The following SORCS1 variants were observed in gnomAD, a reference collection of about 807,000 sequenced individuals.
SORCS1 encodes VPS10 domain-containing receptor SorCS1.
Under a neutral mutation model 146.1 loss-of-function variants are expected in SORCS1, and 60 were observed. The observed-to-expected ratio is 0.41, with a 90% CI of 0.33 to 0.51. The LOEUF is 0.51. SORCS1 is among the 20% of genes least tolerant of loss of function. The pLI, the probability that SORCS1 is intolerant of heterozygous loss-of-function variation, is 0.21. For synonymous variants in SORCS1, 637 were observed against 584.0 expected, an observed-to-expected ratio of 1.09 and a Z score of -1.31; for missense variants, 1,352 against 1,487.6, an observed-to-expected ratio of 0.91 and a Z score of 1.50.
intron 1 of SORCS1, among the ~76,000 whole-genome samples, chr10:106,958,608 A>G (rs1232720440): frequency 6.6e-6 from 1 of 152,146 alleles, no homozygotes; most frequent in Non-Finnish European, 1.5e-5. Flanking sequence ...ATCCCTGAGT[A>G]CCTGTCATCT....
At chr10:106,993,122 G>A (rs940582854) in intron 1 of SORCS1, among the ~76,000 whole-genome samples, 4 of 151,090 alleles carry the variant, frequency 2.6e-5, no homozygotes, top group East Asian at 3.9e-4. Context: ...GAGCCACCAC[G>A]CCCAGCCGGG....
At chr10:107,058,683 T>C (rs759675327) in intron 1 of SORCS1, among the ~76,000 whole-genome samples, 5 of 152,144 alleles carry the variant, frequency 3.3e-5, no homozygotes, top group Non-Finnish European at 7.4e-5. Context: ...CAATAATACT[T>C]ATCTCATAGG....
At chr10:107,143,563 G>A (rs1275313661) in intron 1 of SORCS1, among the ~76,000 whole-genome samples, 1 of 152,058 alleles carries the variant, frequency 6.6e-6, no homozygotes, top group South Asian at 2.1e-4. Flanking sequence ...GAGTGTAGTG[G>A]CTAGATCTCT....
At chr10:106,809,172 G>A (rs368984067) in intron 3 of SORCS1, among the ~76,000 whole-genome samples, 201 of 151,502 alleles carry the variant, frequency 1.3e-3, no homozygotes, top group African/African-American at 4.6e-3. Flanking sequence ...TTGTGGTTGT[G>A]GGGGGAGGGG....
intron 1 of SORCS1, among the ~76,000 whole-genome samples, chr10:107,146,582 A>G (rs72814908): frequency 0.068 from 10,316 of 152,210 alleles, 370 homozygotes; most frequent in Non-Finnish European, 0.078. Context: ...GGTATACACC[A>G]GGTATCCAAT....
At chr10:106,875,029 G>T (rs546688130) in intron 2 of SORCS1, among the ~76,000 whole-genome samples, 1 of 152,010 alleles carries the variant, frequency 6.6e-6, no homozygotes, top group African/African-American at 2.4e-5. Context: ...ATTATATAGC[G>T]GTGAATTCTG....
chr10:106,606,893 C>G (rs1228947569), intron 23 of SORCS1, among the ~76,000 whole-genome samples: 1 of 152,214 alleles, frequency 6.6e-6, no homozygotes, highest in Non-Finnish European at 1.5e-5. Flanking sequence ...GGTTTGCTTC[C>G]CCTTCCGCCA....
chr10:106,876,438 C>T (rs141951840), intron 2 of SORCS1, among the ~76,000 whole-genome samples: 1 of 152,138 alleles, frequency 6.6e-6, no homozygotes, highest in South Asian at 2.1e-4. Flanking sequence ...CCTCTGATAC[C>T]TAACCTTAGG....
chr10:106,664,534 C>A (rs549119046), intron 17 of SORCS1, among the ~76,000 whole-genome samples: 1 of 152,064 alleles, frequency 6.6e-6, no homozygotes, highest in East Asian at 1.9e-4. Flanking sequence ...CCCAGCTACT[C>A]GGGAAGCTGA....
intron 24 of SORCS1, among the ~76,000 whole-genome samples, chr10:106,583,716 G>A (rs1195256792): frequency 6.6e-6 from 1 of 151,788 alleles, no homozygotes. Flanking sequence ...CACCATGTTG[G>A]CCAGGCTGGT....
chr10:106,735,541 T>C (rs2756239), intron 5 of SORCS1, among the ~76,000 whole-genome samples: 130,837 of 152,182 alleles, frequency 0.86, 57,680 homozygotes, highest in Non-Finnish European at 0.96. Flanking sequence ...TCTTCAAGTA[T>C]ATGCAGCAAT....
At chr10:106,644,732 C>T (rs1849298114) in intron 18 of SORCS1, among the ~76,000 whole-genome samples, 1 of 152,150 alleles carries the variant, frequency 6.6e-6, no homozygotes, top group African/African-American at 2.4e-5. Context: ...AACATATATT[C>T]TTTTTAGTCT....
At chr10:107,144,353 T>G (rs1016896011) in intron 1 of SORCS1, among the ~76,000 whole-genome samples, 2 of 152,134 alleles carry the variant, frequency 1.3e-5, no homozygotes, top group Non-Finnish European at 2.9e-5. Flanking sequence ...CATGATAGGG[T>G]TAATAATACT....
At chr10:106,711,239 G>A (rs370835643) in intron 6 of SORCS1, among the ~76,000 whole-genome samples, 26 of 152,220 alleles carry the variant, frequency 1.7e-4, no homozygotes, top group African/African-American at 5.5e-4. Flanking sequence ...TAAAAAAGGA[G>A]TTATTTTACT....
chr10:106,623,367 C>T (rs528510264), intron 19 of SORCS1, among the ~76,000 whole-genome samples: 74 of 151,830 alleles, frequency 4.9e-4, no homozygotes, highest in Middle Eastern at 3.4e-3. Flanking sequence ...CTCAGTCTCC[C>T]GAGTAGCTAG....
In SORCS1 at chr10:106,776,618, C is replaced by T. The variant is rs759462233; in HGVS notation, c.801G>A (p.Lys267=). ...TTTGAATGTAGAAGTTCAGCCGGTA[C>T]TTTTGATAAGTTGCCCCTTCATCTG... ...ISSDEGATYQ[K]YRLNFYIQSL... is the part of the protein sequence containing the mutation. The change falls in exon 4 of 26, where the codon AAG becomes AAA. Residue 267 remains lysine (K), a synonymous_variant. Transcript: ENST00000263054. 1.1e-5 allele frequency: 18 copies of T among 1,614,068 alleles called. No homozygotes were observed. The highest frequency in any genetic ancestry group is 1.7e-5 in the Admixed American group (1 of 60,010).
At chr10:106,723,883 A>C (rs918238821) in intron 6 of SORCS1, among the ~76,000 whole-genome samples, 1 of 152,216 alleles carries the variant, frequency 6.6e-6, no homozygotes, top group East Asian at 1.9e-4. Flanking sequence ...TTAATGCATA[A>C]AATAAATTAC....
chr10:107,039,101 G>A (rs369331818), intron 1 of SORCS1, among the ~76,000 whole-genome samples: 26 of 151,834 alleles, frequency 1.7e-4, no homozygotes, highest in Middle Eastern at 6.8e-3. Flanking sequence ...AGGCTGAGGC[G>A]GGTGGATCAC....
chr10:106,994,875 C>T (rs1419637509), intron 1 of SORCS1, among the ~76,000 whole-genome samples: 2 of 152,192 alleles, frequency 1.3e-5, no homozygotes, highest in Non-Finnish European at 2.9e-5. Flanking sequence ...TTTGCCCTTC[C>T]ACCGTTTCTG....
Sources: allele counts gnomAD v4.1 joint callset (sites outside exome capture counted in the v4.1 genomes callset), GRCh38; gene constraint gnomAD v4.1.1; transcripts MANE v1.5; gene names NCBI Gene and HGNC (gene_info 2026-07-23, HGNC 2026-07-21).